The following HOMER2 variants were observed in gnomAD, a reference collection of about 807,000 sequenced individuals.
The protein encoded by HOMER2 is homer scaffold protein 2.
A neutral mutation model predicts 47.0 loss-of-function variants in HOMER2; 27 were observed. The ratio of observed to expected loss-of-function variants is 0.57; its 90% CI spans 0.42 to 0.79. The LOEUF (loss-of-function observed/expected upper bound fraction) is 0.79, where lower values mean the gene tolerates loss of function less well. HOMER2 is among the 30% of genes least tolerant of loss of function. The pLI, the probability that HOMER2 is intolerant of heterozygous loss-of-function variation, is 0.00. For synonymous variants in HOMER2, 161 were observed against 163.8 expected (o/e 0.98, Z 0.13); for missense variants, 443 against 435.0 (o/e 1.02, Z -0.16).
At chr15:82,933,561 C>T (rs1378770973) in intron 1 of HOMER2, among the ~76,000 whole-genome samples, 1 of 152,142 alleles carries the variant, frequency 6.6e-6, no homozygotes, top group African/African-American at 2.4e-5. Context: ...ACCCCACCTT[C>T]TCATCATTCT....
intron 2 of HOMER2, among the ~76,000 whole-genome samples, chr15:82,890,591 C>G (rs2052672737): frequency 1.3e-5 from 2 of 152,160 alleles, no homozygotes; most frequent in Admixed American, 1.3e-4. Flanking sequence ...TGGCTTGAAC[C>G]CCACCACATT....
At chr15:82,873,534 A>G in intron 3 of HOMER2, among the ~76,000 whole-genome samples, 1 of 152,208 alleles carries the variant, frequency 6.6e-6, no homozygotes, top group Non-Finnish European at 1.5e-5. Flanking sequence ...AACATCCAGG[A>G]TCACAGCACA....
At chr15:82,868,123 GTA>G (rs2052038181) in intron 3 of HOMER2, among the ~76,000 whole-genome samples, 1 of 152,038 alleles carries the variant, frequency 6.6e-6, no homozygotes, top group Admixed American at 6.6e-5. Context: ...TTGGCTGCAT[GTA>G]TGTCTTCTTT....
intron 2 of HOMER2, among the ~76,000 whole-genome samples, chr15:82,876,133 T>G (rs1419898711): frequency 1.3e-5 from 2 of 152,074 alleles, no homozygotes; most frequent in African/African-American, 4.8e-5. Context: ...AGTGGGGAAC[T>G]GGGGGAGCAA....
intron 1 of HOMER2, among the ~76,000 whole-genome samples, chr15:82,902,547 G>A (rs2053155312): frequency 6.6e-6 from 1 of 152,110 alleles, no homozygotes; most frequent in South Asian, 2.1e-4. Context: ...CAAGTCACAG[G>A]ATTAATGATT....
chr15:82,978,981 A>C (rs1404308177), intron 1 of HOMER2, among the ~76,000 whole-genome samples: 1 of 152,218 alleles, frequency 6.6e-6, no homozygotes. Flanking sequence ...GGCCTCCCAA[A>C]GTGCTGGGAT....
chr15:82,838,514 CAG>C (rs1027152211), exon 2 of HOMER2: 3 of 152,360 alleles, frequency 2.0e-5, no homozygotes, highest in African/African-American at 7.2e-5. Flanking sequence ...TGGCGCCAGA[CAG>C]GGCATGGCTA....
chr15:82,849,718 G>A lies in HOMER2; in HGVS notation c.1029C>T (p.Asn343=). 1 of 1,612,842 alleles carries A rather than the reference G, an allele frequency of 6.2e-7. No homozygotes were observed. The highest frequency in any genetic ancestry group is 8.5e-7 in the Non-Finnish European group (1 of 1,179,462). ...RRGLSKLGTD[N] ...GGGGCCTGGGCCTCGGCCAGCCCTAGTTATCGGTGCCCAGCTTGGAGAGCC... is the reference window on the plus strand; with the variant it reads ...GGGGCCTGGGCCTCGGCCAGCCCTAATTATCGGTGCCCAGCTTGGAGAGCC... The change falls in exon 9 of 9, where the codon AAC becomes AAT. Residue 343 remains asparagine (N), a synonymous_variant. Coordinates refer to ENST00000450735, the MANE Select transcript of HOMER2 (RefSeq NM_004839.4).
intron 8 of HOMER2, 70 bp from the exon 9 acceptor site, chr15:82,849,973 G>T: frequency 6.7e-7 from 1 of 1,489,598 alleles, no homozygotes; most frequent in Non-Finnish European, 9.2e-7. Flanking sequence ...ACCTGCTACA[G>T]CTGAACCAAC....
rs115496869 is a variant in HOMER2, at chr15:82,961,802, G to A, written n.83-2494C>T. 3.7e-3 allele frequency among the ~76,000 whole-genome samples: 558 copies of A among 152,148 alleles called. 1 individual carries two copies. Among genetic ancestry groups the A allele is most frequent in the African/African-American group, 0.013 (538 of 41,520 alleles). On this transcript the variant is annotated intron_variant and non_coding_transcript_variant, in intron 1 of 1. Coordinates refer to the HOMER2 transcript ENST00000500334. ...TTTGTTTTTTATTTTGAGATAGAGT[G>A]GCCCAGCCTGGAGTGCAGAGGCGTG...
chr15:82,974,573 G>A (rs995853110), intron 1 of HOMER2, among the ~76,000 whole-genome samples: 1 of 152,190 alleles, frequency 6.6e-6, no homozygotes, highest in African/African-American at 2.4e-5. Flanking sequence ...CCCTAGGTAA[G>A]GGTCACAGTT....
chr15:82,966,014 C>A (rs76097616), intron 1 of HOMER2, among the ~76,000 whole-genome samples: 325 of 152,230 alleles, frequency 2.1e-3, no homozygotes, highest in African/African-American at 7.0e-3. Context: ...GGCAGGAGTA[C>A]GGCTTCAGCC....
At chr15:82,953,456 C>T (rs1448723881), upstream of HOMER2, among the ~76,000 whole-genome samples, 1 of 152,142 alleles carries the variant, frequency 6.6e-6, no homozygotes, top group Non-Finnish European at 1.5e-5. Flanking sequence ...CTATCAGGTC[C>T]TGAGTTTCTA....
intron 7 of HOMER2, 45 bp downstream of exon 7, chr15:82,852,097 G>T: frequency 2.1e-6 from 3 of 1,418,658 alleles, no homozygotes; most frequent in Non-Finnish European, 3.0e-6. Flanking sequence ...ACCCCGCAAG[G>T]CCAAGAGGAC....
At chr15:82,862,145 C>T (rs181650376) in intron 4 of HOMER2, among the ~76,000 whole-genome samples, 11 of 150,958 alleles carry the variant, frequency 7.3e-5, no homozygotes, top group Admixed American at 5.3e-4. Flanking sequence ...TCAGGTGATC[C>T]ACTGGCCTCG....
chr15:82,921,676 C>T lies in HOMER2; in HGVS notation c.6-28835G>A, dbSNP rs142803508. Among the ~76,000 whole-genome samples the T allele has an allele frequency of 2.0e-4, 30 of 152,310 alleles. No individual in the cohort carries two copies. In the East Asian group the frequency reaches 5.6e-3, roughly 28 times the overall value. ...GCCCCAGCTTCAGCACCACTTCTCA[C>T]TCCTGCCCTTGCTGGACCTGCAGAC... On this transcript the variant is annotated intron_variant, in intron 1 of 8. Coordinates refer to ENST00000450735, the MANE Select transcript of HOMER2 (RefSeq NM_004839.4).
At chr15:82,909,930 T>C (rs1596345288) in intron 1 of HOMER2, among the ~76,000 whole-genome samples, 1 of 148,390 alleles carries the variant, frequency 6.7e-6, no homozygotes, top group Non-Finnish European at 1.5e-5. Context: ...AGGTCAGGAG[T>C]TTGAGACCAG....
At position 82,875,319 on chromosome 15, in the gene HOMER2, T is replaced by G; in HGVS notation, c.248A>C (p.Asn83Thr). 6.2e-7 allele frequency: 1 copy of G among 1,613,934 alleles called. No homozygotes were observed. Among genetic ancestry groups the G allele is most frequent in the Non-Finnish European group, 8.5e-7 (1 of 1,179,888 alleles). ...GGAAAACCCCAAACCAAACACTGTG[T>G]TGGCTCTGCTGTCGGCCCACTGCCC... ...KFGQWADSRANTVFGLGFSSE... is the reference protein window; with the variant it reads ...KFGQWADSRATTVFGLGFSSE... Residue 83 changes from asparagine to threonine, a missense_variant, in exon 3 of 9, where the codon AAC becomes ACC. By Grantham distance (65) the Asn-to-Thr change is moderately conservative. Coordinates refer to ENST00000450735, the MANE Select transcript of HOMER2 (RefSeq NM_004839.4).
chr15:82,835,364 TCCTCC>T (rs2051114695), downstream of HOMER2: 1 of 152,544 alleles, frequency 6.6e-6, no homozygotes, highest in Admixed American at 6.5e-5. Context: ...GACCTCGTGA[TCCTCC>T]CACCTTGGCC....
Sources: gnomAD v4.1 joint callset for allele counts (sites outside exome capture counted in the v4.1 genomes callset) on GRCh38, gnomAD v4.1.1 for gene constraint, MANE v1.5 for transcripts, NCBI Gene and HGNC (gene_info 2026-07-23, HGNC 2026-07-21) for gene names.